Variants in RIMS1 observed in about 807,000 individuals in gnomAD.
RIMS1 encodes regulating synaptic membrane exocytosis protein 1.
Under a neutral mutation model 214.1 loss-of-function variants are expected in RIMS1, and 83 were observed. The ratio of observed to expected loss-of-function variants is 0.39; its 90% CI spans 0.32 to 0.47. RIMS1 has a LOEUF of 0.47. Among genes scored for constraint, RIMS1 ranks in the 20% least tolerant of loss-of-function variants. RIMS1 has a pLI of 0.99. For missense variants in RIMS1, 2,050 were observed against 2,161.8 expected (o/e 0.95, Z 1.03); for synonymous variants, 793 against 786.8 (o/e 1.01, Z -0.13).
intron 6 of RIMS1, among the ~76,000 whole-genome samples, chr6:72,212,102 AC>A (rs1392480692): frequency 1.3e-5 from 2 of 152,116 alleles, no homozygotes; most frequent in African/African-American, 2.4e-5. Context: ...GAAATCCAAA[AC>A]AATAATAACT....
intron 4 of RIMS1, among the ~76,000 whole-genome samples, chr6:72,149,377 G>A (rs538335113): frequency 6.6e-6 from 1 of 152,226 alleles, no homozygotes; most frequent in African/African-American, 2.4e-5. Flanking sequence ...TCCAGTTGCA[G>A]ACTGGAGCCG....
intron 1 of RIMS1, among the ~76,000 whole-genome samples, chr6:71,898,697 T>TAAGA (rs1772635267): frequency 6.6e-6 from 1 of 152,126 alleles, no homozygotes; most frequent in Admixed American, 6.5e-5. Flanking sequence ...CATCAACTGA[T>TAAGA]AAGAGTTGGC....
intron 2 of RIMS1, among the ~76,000 whole-genome samples, chr6:72,079,270 T>C (rs1832693171): frequency 6.6e-6 from 1 of 152,206 alleles, no homozygotes. Context: ...TAATAGCACA[T>C]ATAAAATAAT....
chr6:72,328,374 C>T (rs1434545557), intron 28 of RIMS1, among the ~76,000 whole-genome samples: 1 of 151,562 alleles, frequency 6.6e-6, no homozygotes, highest in Admixed American at 6.6e-5. Context: ...TGCAGCAAAC[C>T]ACCATGGCAC....
chr6:72,000,898 C>T (rs1420462564), intron 2 of RIMS1, among the ~76,000 whole-genome samples: 2 of 152,098 alleles, frequency 1.3e-5, no homozygotes, highest in African/African-American at 2.4e-5. Context: ...CTCTTCTGCC[C>T]ACTTCTCAAA....
At chr6:72,344,717 CACT>C (rs2097202384) in intron 29 of RIMS1, among the ~76,000 whole-genome samples, 1 of 151,714 alleles carries the variant, frequency 6.6e-6, no homozygotes, top group Admixed American at 6.6e-5. Context: ...CTTAGGAATT[CACT>C]ACTGTTAATA....
intron 29 of RIMS1, among the ~76,000 whole-genome samples, chr6:72,357,811 T>C (rs1404299103): frequency 6.6e-6 from 1 of 152,192 alleles, no homozygotes. Flanking sequence ...CACTCTGAAA[T>C]TTTCTGAAAT....
At position 72,182,346 on chromosome 6, in the gene RIMS1, G is replaced by A. The variant is rs768727796; in HGVS notation, c.875G>A (p.Arg292His). The stretch of plus-strand genomic sequence containing the variant: ...GGAGCCCTGAAGAGCGAGCGGAAAC[G>A]CGTGCCAAAGACCTCAGCGCAGCCC... ...GKGALKSERK[R>H]VPKTSAQPVE... is the part of the protein sequence containing the mutation. Residue 292 changes from arginine to histidine, a missense_variant, in exon 6 of 34, where the codon CGC becomes CAC. This residue lies in a region of RIMS1 where 882 missense variants were observed against 828.9 expected (regional missense o/e 1.06). Transcript: ENST00000521978. The A allele has an allele frequency of 1.2e-6, 2 of 1,612,990 alleles. No individual in the cohort carries two copies. Among genetic ancestry groups the A allele is most frequent in the East Asian group, 4.5e-5 (2 of 44,870 alleles).
intron 1 of RIMS1, among the ~76,000 whole-genome samples, chr6:71,957,267 T>A (rs1264103090): frequency 3.3e-5 from 5 of 152,126 alleles, no homozygotes; most frequent in African/African-American, 1.2e-4. Context: ...GAATTTAAAT[T>A]TATGCAGAGA....
chr6:71,998,169 G>A (rs1001534204), intron 2 of RIMS1, among the ~76,000 whole-genome samples: 24 of 151,972 alleles, frequency 1.6e-4, no homozygotes, highest in Non-Finnish European at 3.4e-4. Flanking sequence ...TATTATTTAG[G>A]AACATTTATC....
intron 2 of RIMS1, among the ~76,000 whole-genome samples, chr6:71,988,454 C>A (rs199853834): frequency 1.3e-5 from 2 of 151,786 alleles, no homozygotes; most frequent in East Asian, 3.9e-4. Context: ...AAAAAAAAAA[C>A]TTGTGTGTTC....
In RIMS1 at chr6:72,026,457, C is replaced by G. The variant is rs555588511; in HGVS notation, c.245+57394C>G. 1.5e-4 allele frequency among the ~76,000 whole-genome samples: 7 copies of G among 45,764 alleles called. No homozygotes were observed. The East Asian group carries it at 4.0e-3, about 26-fold the overall frequency. 30.0% of individuals were successfully genotyped at this position (45,764 alleles called of 152,430 possible). On this transcript the variant is annotated intron_variant, in intron 2 of 33. Coordinates refer to ENST00000521978, the MANE Select transcript of RIMS1 (RefSeq NM_014989.7). ...ATGTATTCTTCTCCCCCAGCACCGC[C>G]CCCCCCCCCAACTTTTTTTTTTCAA...
At chr6:72,154,016 A>G (rs2044097927) in intron 4 of RIMS1, among the ~76,000 whole-genome samples, 1 of 152,102 alleles carries the variant, frequency 6.6e-6, no homozygotes, top group Admixed American at 6.5e-5. Context: ...CATAATTATT[A>G]TCTTGAATAT....
At chr6:72,013,584 C>A (rs1811634826) in intron 2 of RIMS1, among the ~76,000 whole-genome samples, 1 of 152,128 alleles carries the variant, frequency 6.6e-6, no homozygotes, top group Non-Finnish European at 1.5e-5. Flanking sequence ...GAGAGGCAAG[C>A]AGTTTGCCTA....
intron 6 of RIMS1, among the ~76,000 whole-genome samples, chr6:72,211,093 ATAT>A (rs1282030265): frequency 6.6e-6 from 1 of 152,196 alleles, no homozygotes; most frequent in Non-Finnish European, 1.5e-5. Flanking sequence ...CCTTTCATAA[ATAT>A]TATATTCTAC....
rs559071277 is a variant in RIMS1 at position 72,300,141 on chromosome 6, A to C, written c.3851-7117A>C. On this transcript the variant is annotated intron_variant, in intron 26 of 33. Transcript: ENST00000521978. ...TGTAGCCTTCTCTTTAAACTTCAGG[A>C]TCCCAGAGGGTTAAGCAGATTGATT... 1.2e-3 allele frequency among the ~76,000 whole-genome samples: 184 copies of C among 151,892 alleles called. 1 individual carries two copies. The highest frequency in any genetic ancestry group is 1.6e-4 in the Non-Finnish European group (11 of 67,800).
In RIMS1 at chr6:72,107,889, A is replaced by G. The variant is rs564050474; in HGVS notation, c.471+7903A>G. Among the ~76,000 whole-genome samples, 209 of 152,334 alleles carry G rather than the reference A, an allele frequency of 1.4e-3. 1 individual carries two copies. The highest frequency in any genetic ancestry group is 4.8e-3 in the African/African-American group (198 of 41,594). On this transcript the variant is annotated intron_variant, in intron 4 of 33. Transcript: ENST00000521978. Reference sequence around the variant, plus strand: ...TGTTTATTAGGCATGTCTTTCTCAAACACTAGATTGATCACAAGGCCTAAT... The same window carrying G: ...TGTTTATTAGGCATGTCTTTCTCAAGCACTAGATTGATCACAAGGCCTAAT...
At chr6:72,148,943 A>T (rs748159850) in intron 4 of RIMS1, among the ~76,000 whole-genome samples, 1 of 152,004 alleles carries the variant, frequency 6.6e-6, no homozygotes, top group South Asian at 2.1e-4. Flanking sequence ...AAGGGAGAGA[A>T]AAGGAGTCCC....
chr6:71,956,690 T>C (rs1302690451), intron 1 of RIMS1, among the ~76,000 whole-genome samples: 2 of 152,014 alleles, frequency 1.3e-5, no homozygotes, highest in African/African-American at 4.8e-5. Context: ...TAAAATGGAG[T>C]TCATGGAAAG....
Sources: allele counts gnomAD v4.1 joint callset (sites outside exome capture counted in the v4.1 genomes callset), GRCh38; gene constraint gnomAD v4.1.1; regional missense constraint gnomAD v4.1.1; transcripts MANE v1.5; gene names NCBI Gene and HGNC (gene_info 2026-07-23, HGNC 2026-07-21).